Variants in TIMELESS observed in about 807,000 individuals in gnomAD.
TIMELESS encodes the protein protein timeless homolog.
A neutral mutation model predicts 164.3 loss-of-function variants in TIMELESS; 124 were observed. The ratio of observed to expected loss-of-function variants is 0.75; its 90% CI spans 0.65 to 0.88. The LOEUF is 0.88. Among genes scored for constraint, TIMELESS ranks in the 40% least tolerant of loss-of-function variants. TIMELESS has a pLI of 0.00. For missense variants in TIMELESS, 1,422 were observed against 1,491.4 expected, an observed-to-expected ratio of 0.95 and a Z score of 0.77; for synonymous variants, 564 against 563.4, an observed-to-expected ratio of 1.00 and a Z score of -0.02.
Position 56,424,872 on chromosome 12 carries a change from C to T in TIMELESS, c.1758G>A (p.Ala586=), listed in dbSNP as rs989986711. The part of the protein sequence containing the change: ...LSMDSVVPFD[A]ASEVPVEEQR... ...GCTCCTCCACTGGCACCTCTGAGGCCGCATCAAAGGGAACCACGGAGTCCA... is the reference window on the plus strand; with the variant it reads ...GCTCCTCCACTGGCACCTCTGAGGCTGCATCAAAGGGAACCACGGAGTCCA... Residue 586 remains alanine, a synonymous_variant, in exon 15 of 29, where the codon GCG becomes GCA. Coordinates refer to ENST00000553532, the MANE Select transcript of TIMELESS (RefSeq NM_003920.5). 11 of 1,614,154 alleles carry T rather than the reference C, an allele frequency of 6.8e-6. No individual in the cohort carries two copies. Among genetic ancestry groups the T allele is most frequent in the South Asian group, 2.2e-5 (2 of 91,080 alleles).
At chr12:56,433,678 G>A (rs1881971761) in intron 3 of TIMELESS, 26 bp from the exon 4 acceptor site, 10 of 1,613,638 alleles carry the variant, frequency 6.2e-6, no homozygotes, top group Non-Finnish European at 8.5e-6. Context: ...GGAGGGAGAA[G>A]TTGTTAAGTT....
At position 56,423,550 on chromosome 12, in the gene TIMELESS, A is replaced by G; in HGVS notation, c.2090+34T>C. On this transcript the variant is annotated intron_variant, in intron 17 of 28. Transcript: ENST00000553532. Reference sequence around the variant, plus strand: ...TCATCCTCACAGCCGCACAATCGCCACTCTAGGACCAACTCAGGCCTCTCA... The same window carrying G: ...TCATCCTCACAGCCGCACAATCGCCGCTCTAGGACCAACTCAGGCCTCTCA... 1.9e-6 allele frequency: 3 copies of G among 1,612,596 alleles called. No individual in the cohort carries two copies. The South Asian group carries it at 3.3e-5, about 18-fold the overall frequency.
intron 1 of TIMELESS, among the ~76,000 whole-genome samples, chr12:56,435,243 T>C (rs1226236334): frequency 6.6e-6 from 1 of 151,996 alleles, no homozygotes; most frequent in Non-Finnish European, 1.5e-5. Context: ...CCAAAGTTAC[T>C]CTTAAACCTT....
Position 56,428,529 on chromosome 12 carries a change from G to A in TIMELESS, c.1408+20C>T. On this transcript the variant is annotated intron_variant, in intron 12 of 28. Transcript: ENST00000553532. Reference sequence around the variant, plus strand: ...ACGAGATGGGACAGGCTGGGATCGGGGACCAGGCCAGGGCCTCACTCTTGA... The same window carrying A: ...ACGAGATGGGACAGGCTGGGATCGGAGACCAGGCCAGGGCCTCACTCTTGA... 1 of 1,612,516 alleles carries A rather than the reference G, an allele frequency of 6.2e-7. No individual in the cohort carries two copies. The highest frequency in any genetic ancestry group is 8.5e-7 in the Non-Finnish European group (1 of 1,178,640).
intron 1 of TIMELESS, among the ~76,000 whole-genome samples, chr12:56,446,721 A>G (rs1360232200): frequency 1.3e-5 from 2 of 151,346 alleles, no homozygotes; most frequent in South Asian, 2.1e-4. Flanking sequence ...AATTCCAGCT[A>G]CTTGGGAGGC....
intron 26 of TIMELESS, among the ~76,000 whole-genome samples, chr12:56,420,048 A>ATATATGTG (rs1473074484): frequency 2.0e-3 from 171 of 87,268 alleles, no homozygotes; most frequent in African/African-American, 7.3e-3. Context: ...ATATATATAT[A>ATATATGTG]TGTGTGTGTG....
In TIMELESS at chr12:56,422,844, C is replaced by T; in HGVS notation, c.2438+3G>A. 2.1e-6 allele frequency: 3 copies of T among 1,449,996 alleles called. No homozygotes were observed. Among genetic ancestry groups the T allele is most frequent in the Non-Finnish European group, 2.8e-6 (3 of 1,071,580 alleles). 89.8% of individuals were successfully genotyped at this position (1,449,996 alleles called of 1,614,324 possible). Reference sequence around the variant, plus strand: ...ACCCACCCTTTGCCAACTTCAAGCTCACCTGTCATCCAGGGAGCCATAGCC... The same window carrying T: ...ACCCACCCTTTGCCAACTTCAAGCTTACCTGTCATCCAGGGAGCCATAGCC... On this transcript the variant is annotated splice_donor_region_variant and intron_variant, in intron 19 of 28. Transcript: ENST00000553532.
At chr12:56,440,928 G>A (rs928692972) in intron 1 of TIMELESS, among the ~76,000 whole-genome samples, 28 of 151,810 alleles carry the variant, frequency 1.8e-4, no homozygotes, top group African/African-American at 5.3e-4. Flanking sequence ...AACTATTATC[G>A]TGCCTCAGCC....
At chr12:56,434,652 G>C (rs1882010854) in intron 1 of TIMELESS, among the ~76,000 whole-genome samples, 1 of 152,174 alleles carries the variant, frequency 6.6e-6, no homozygotes, top group South Asian at 2.1e-4. Context: ...CAGGAGAGTG[G>C]CTTGAACCCA....
Position 56,418,014 on chromosome 12 carries a change from A to G in TIMELESS, c.3455-6T>C. 1 of 1,614,178 alleles carries G rather than the reference A, an allele frequency of 6.2e-7. No individual in the cohort carries two copies. The highest frequency in any genetic ancestry group is 8.5e-7 in the Non-Finnish European group (1 of 1,180,028). On this transcript the variant is annotated splice_region_variant and splice_polypyrimidine_tract_variant and intron_variant, in intron 27 of 28. Coordinates refer to ENST00000553532, the MANE Select transcript of TIMELESS (RefSeq NM_003920.5). ...TTTACCAACAGCGTCTTCCTCTGCAATGACCATAAATGACACAAAATTAGG... is the reference window on the plus strand; with the variant it reads ...TTTACCAACAGCGTCTTCCTCTGCAGTGACCATAAATGACACAAAATTAGG...
chr12:56,439,282 C>A (rs1308820945), intron 1 of TIMELESS, among the ~76,000 whole-genome samples: 1 of 148,376 alleles, frequency 6.7e-6, no homozygotes, highest in Non-Finnish European at 1.5e-5. Context: ...CTGATATGGG[C>A]ACAGTGGCTC....
rs1186463240 is a variant in TIMELESS, at chr12:56,428,560, C to T, written c.1397G>A (p.Arg466His). ...SPDEAVRESS[R>H]IIKNNIFYVM... ...GGCCAGGGCCTCACTCTTGATGATG[C>T]GGCTGCTCTCCCTCACAGCCTCATC... Residue 466 changes from arginine (R) to histidine (H), a missense_variant, in exon 12 of 29, where the codon CGC becomes CAC. Transcript: ENST00000553532. 9.9e-6 allele frequency: 16 copies of T among 1,613,652 alleles called. No homozygotes were observed. The highest frequency in any genetic ancestry group is 1.6e-4 in the Middle Eastern group (1 of 6,084).
chr12:56,444,704 A>C (rs983592199), intron 1 of TIMELESS, among the ~76,000 whole-genome samples: 1 of 151,756 alleles, frequency 6.6e-6, no homozygotes, highest in Non-Finnish European at 1.5e-5. Context: ...GTGCCCCCAC[A>C]CCTGTCCTAG....
intron 13 of TIMELESS, among the ~76,000 whole-genome samples, chr12:56,425,653 T>C (rs113024258): frequency 1.3e-5 from 2 of 152,218 alleles, no homozygotes; most frequent in African/African-American, 4.8e-5. Flanking sequence ...GGCAGGTGGA[T>C]CGCTTGAGGT....
rs746449855 is a variant in TIMELESS, at chr12:56,421,465, G to A, written c.2754C>T (p.Ile918=). ...DDVLGHIMKN[I]TAKRSRARIV... ...TTCGGGCCCGTGAGCGTTTGGCTGT[G>A]ATATTCTTCATGATATGACCCAGGA... Residue 918 remains isoleucine, a synonymous_variant, in exon 23 of 29, where the codon ATC becomes ATT. Transcript: ENST00000553532. 15 of 1,613,830 alleles carry A rather than the reference G, an allele frequency of 9.3e-6. No homozygotes were observed. The highest frequency in any genetic ancestry group is 3.3e-5 in the Admixed American group (2 of 59,940).
Position 56,421,482 on chromosome 12 carries a change from G to A in TIMELESS, c.2737C>T (p.His913Tyr). 6.2e-7 allele frequency: 1 copy of A among 1,611,678 alleles called. No individual in the cohort carries two copies. Among genetic ancestry groups the A allele is most frequent in the Non-Finnish European group, 8.5e-7 (1 of 1,178,736 alleles). The change falls in exon 23 of 29, where the codon CAT becomes TAT. Residue 913 changes from histidine to tyrosine, a missense_variant. Physicochemically the swap from His to Tyr is moderately conservative, Grantham distance 83 (BLOSUM62 2). Coordinates refer to ENST00000553532, the MANE Select transcript of TIMELESS (RefSeq NM_003920.5). ...TTGGCTGTGATATTCTTCATGATAT[G>A]ACCCAGGACATCTATAAAAAGCAAG... The part of the protein sequence containing the change: ...EFRDSDDVLG[H>Y]IMKNITAKRS...
intron 10 of TIMELESS, among the ~76,000 whole-genome samples, chr12:56,429,734 C>T (rs888454485): frequency 9.7e-5 from 14 of 143,862 alleles, no homozygotes; most frequent in Non-Finnish European, 1.7e-4. Context: ...CCAGGTTGGT[C>T]TTGAACTCCT....
At position 56,422,133 on chromosome 12, in the gene TIMELESS, G is replaced by C. The variant is rs1195015497; in HGVS notation, c.2497C>G (p.Leu833Val). 6.2e-7 allele frequency: 1 copy of C among 1,614,136 alleles called. No individual in the cohort carries two copies. The highest frequency in any genetic ancestry group is 2.2e-5 in the East Asian group (1 of 44,874). Residue 833 changes from leucine to valine, a missense_variant, in exon 20 of 29, where the codon CTG (leucine) becomes GTG (valine). Coordinates refer to ENST00000553532, the MANE Select transcript of TIMELESS (RefSeq NM_003920.5). ...TCCACGTCCTTATTGGCGAGGTACA[G>C]CTCCCGAAGATGAGCCTCTTCTTCG... ...SPEEEAHLRE[L>V]YLANKDVEGQ...
intron 26 of TIMELESS, among the ~76,000 whole-genome samples, chr12:56,420,028 AAAT>A (rs1881405985): frequency 1.1e-5 from 1 of 87,384 alleles, no homozygotes; most frequent in African/African-American, 5.6e-5. Context: ...AAAAAAAAAA[AAAT>A]ATATATATAT....
Sources: allele counts gnomAD v4.1 joint callset (sites outside exome capture counted in the v4.1 genomes callset), GRCh38; gene constraint gnomAD v4.1.1; transcripts MANE v1.5; gene names NCBI Gene and HGNC (gene_info 2026-07-23, HGNC 2026-07-21).